Variants in GTF2IRD1 observed in about 807,000 individuals in gnomAD.
GTF2IRD1 encodes general transcription factor II-I repeat domain-containing protein 1.
Under a neutral mutation model 113.2 loss-of-function variants are expected in GTF2IRD1, and 26 were observed. The ratio of observed to expected loss-of-function variants is 0.23; its 90% CI spans 0.17 to 0.32. The LOEUF is 0.32. Among genes scored for constraint, GTF2IRD1 ranks in the 10% least tolerant of loss-of-function variants. The pLI, the probability that GTF2IRD1 is intolerant of heterozygous loss-of-function variation, is 1.00. For missense variants in GTF2IRD1, 864 were observed against 1,280.8 expected (o/e 0.67, Z 4.97); for synonymous variants, 484 against 529.1 (o/e 0.91, Z 1.17).
intron 1 of GTF2IRD1, among the ~76,000 whole-genome samples, chr7:74,500,999 T>C (rs1795998435): frequency 6.6e-6 from 1 of 152,156 alleles, no homozygotes; most frequent in Non-Finnish European, 1.5e-5. Context: ...ATTATTTCAT[T>C]GAATCGTCCT....
At chr7:74,556,790 A>ATTTTTTTT (rs587648610) in intron 19 of GTF2IRD1, among the ~76,000 whole-genome samples, 67 of 132,770 alleles carry the variant, frequency 5.0e-4, no homozygotes, top group Non-Finnish European at 6.5e-4. Flanking sequence ...TGCCTGGCTA[A>ATTTTTTTT]TTTTTGTATT....
At chr7:74,533,125 C>T (rs1211558729) in intron 9 of GTF2IRD1, among the ~76,000 whole-genome samples, 1 of 151,164 alleles carries the variant, frequency 6.6e-6, no homozygotes, top group Non-Finnish European at 1.5e-5. Flanking sequence ...CTAGAGGTTC[C>T]ATGCATCATT....
intron 12 of GTF2IRD1, 87 bp from the exon 13 acceptor site, chr7:74,538,593 A>G (rs1226037718): frequency 8.2e-6 from 7 of 858,238 alleles, no homozygotes; most frequent in South Asian, 6.6e-5. Context: ...CTAACAAGTT[A>G]CAGACACCAG....
chr7:74,468,688 GT>G, intron 1 of GTF2IRD1, among the ~76,000 whole-genome samples: 2 of 76,576 alleles, frequency 2.6e-5, no homozygotes, highest in African/African-American at 4.1e-5. Flanking sequence ...GTGTGTGTGT[GT>G]GTGTGTGTGT....
intron 26 of GTF2IRD1, chr7:74,601,892 C>G (rs1802787904): frequency 6.1e-6 from 1 of 163,962 alleles, no homozygotes; most frequent in African/African-American, 2.4e-5. Flanking sequence ...TGCAGTGAGC[C>G]AAGATCGTCC....
At chr7:74,485,737 C>A (rs1794984061) in intron 1 of GTF2IRD1, among the ~76,000 whole-genome samples, 1 of 151,942 alleles carries the variant, frequency 6.6e-6, no homozygotes. Context: ...GCCTGGGCAA[C>A]ATAGCAAGAC....
chr7:74,491,532 T>TGC (rs1554336706), intron 1 of GTF2IRD1, among the ~76,000 whole-genome samples: 12 of 151,956 alleles, frequency 7.9e-5, no homozygotes, highest in African/African-American at 1.9e-4. Context: ...TCTGTGTCCA[T>TGC]GTGTTCTCAT....
chr7:74,558,343 G>GTTTTTTTTTTTTTTTTTT (rs1562868915), intron 20 of GTF2IRD1, among the ~76,000 whole-genome samples: 2 of 74,012 alleles, frequency 2.7e-5, no homozygotes, highest in Non-Finnish European at 2.8e-5. Flanking sequence ...TTTTTCTTTC[G>GTTTTTTTTTTTTTTTTTT]TTTCTTTTTT....
chr7:74,532,939 G>A (rs1397447030), intron 9 of GTF2IRD1, among the ~76,000 whole-genome samples: 3 of 151,948 alleles, frequency 2.0e-5, no homozygotes, highest in African/African-American at 7.3e-5. Flanking sequence ...CAGGGAAGCT[G>A]TACCTCCATA....
In GTF2IRD1 at chr7:74,517,001, TTTGTTGTTGTTGTTG is replaced by T. The variant is rs374786237; in HGVS notation, c.422-1114_422-1100del. 6.7e-4 allele frequency among the ~76,000 whole-genome samples: 60 copies of T among 90,182 alleles called. 2 individuals are homozygous for T. Among genetic ancestry groups the T allele is most frequent in the South Asian group, 3.1e-4 (1 of 3,256 alleles). 59.2% of individuals were successfully genotyped at this position (90,182 alleles called of 152,430 possible). A position where few individuals can be genotyped will look rare whatever the true frequency, so the allele number is the denominator to read the frequency against. On this transcript the variant is annotated intron_variant, in intron 4 of 26. Transcript: ENST00000424337. Reference sequence around the variant, plus strand: ...CTGTCTCTTTCTCCTCTCTCCTGTCTTTGTTGTTGTTGTTGTTGTTGTTGTTGTTGTTGTTGTTTT... The same window carrying T: ...CTGTCTCTTTCTCCTCTCTCCTGTCTTTGTTGTTGTTGTTGTTGTTGTTTT...
In GTF2IRD1 at chr7:74,503,244, C is replaced by T. The variant is rs535336998; in HGVS notation, c.-6-4831C>T. 8.4e-4 allele frequency among the ~76,000 whole-genome samples: 128 copies of T among 152,170 alleles called. 1 individual carries two copies. The highest frequency in any genetic ancestry group is 4.9e-3 in the Admixed American group (75 of 15,270). Reference sequence around the variant, plus strand: ...TCTGATGAGGTAGGGCACAGGAGCCCGGGCACTGAACAGCAGGTGTTGGCA... The same window carrying T: ...TCTGATGAGGTAGGGCACAGGAGCCTGGGCACTGAACAGCAGGTGTTGGCA... On this transcript the variant is annotated intron_variant, in intron 1 of 26. Transcript: ENST00000424337.
chr7:74,593,159 C>T (rs1396597948), intron 24 of GTF2IRD1, among the ~76,000 whole-genome samples: 1 of 151,714 alleles, frequency 6.6e-6, no homozygotes, highest in Non-Finnish European at 1.5e-5. Context: ...GCCTGGCCTA[C>T]ATGTTTTTTT....
At chr7:74,518,677 C>T (rs1554345229) in intron 5 of GTF2IRD1, among the ~76,000 whole-genome samples, 1 of 151,934 alleles carries the variant, frequency 6.6e-6, no homozygotes, top group African/African-American at 2.4e-5. Flanking sequence ...GCCAGGAGTT[C>T]AAGACCAGCC....
intron 22 of GTF2IRD1, among the ~76,000 whole-genome samples, chr7:74,568,337 T>TTAAA (rs1554361354): frequency 1.1e-5 from 1 of 91,990 alleles, no homozygotes; most frequent in African/African-American, 4.6e-5. Context: ...CATCTCTATT[T>TTAAA]AAAAAAAAAA....
chr7:74,547,359 T>G, intron 17 of GTF2IRD1, 73 bp downstream of exon 17: 2 of 1,243,990 alleles, frequency 1.6e-6, no homozygotes, highest in Non-Finnish European at 2.3e-6. Context: ...CAGCACCAAA[T>G]TGCCATCAAG....
chr7:74,586,971 C>G (rs1295309675), intron 22 of GTF2IRD1, among the ~76,000 whole-genome samples: 3 of 152,040 alleles, frequency 2.0e-5, no homozygotes, highest in African/African-American at 7.2e-5. Flanking sequence ...CAGAGAGAGA[C>G]TCTCTCTACA....
At chr7:74,509,643 A>G (rs1796507374) in intron 2 of GTF2IRD1, among the ~76,000 whole-genome samples, 1 of 152,084 alleles carries the variant, frequency 6.6e-6, no homozygotes, top group Admixed American at 6.6e-5. Flanking sequence ...CCTTGCCCAA[A>G]GTCACACAGC....
intron 1 of GTF2IRD1, among the ~76,000 whole-genome samples, chr7:74,503,790 A>T (rs1554340190): frequency 6.6e-6 from 1 of 152,196 alleles, no homozygotes; most frequent in Non-Finnish European, 1.5e-5. Context: ...CTCAGGGTAC[A>T]TGTGCAGGTT....
intron 14 of GTF2IRD1, among the ~76,000 whole-genome samples, chr7:74,541,726 C>T (rs1211794153): frequency 6.6e-6 from 1 of 151,812 alleles, no homozygotes; most frequent in Non-Finnish European, 1.5e-5. Context: ...ATGATGAAAC[C>T]CCCTTCTCTA....
Sources: gnomAD v4.1 joint callset for allele counts (sites outside exome capture counted in the v4.1 genomes callset) on GRCh38, gnomAD v4.1.1 for gene constraint, MANE v1.5 for transcripts, NCBI Gene and HGNC (gene_info 2026-07-23, HGNC 2026-07-21) for gene names.